Variants in LSAMP observed in about 807,000 individuals in gnomAD.
The protein encoded by LSAMP is limbic system-associated membrane protein.
In LSAMP, 7 loss-of-function variants were observed where a neutral mutation model predicts 38.6. The observed-to-expected ratio is 0.18, with a 90% CI of 0.10 to 0.34. The LOEUF (loss-of-function observed/expected upper bound fraction) is 0.34, where lower values mean the gene tolerates loss of function less well. Ranked by LOEUF, LSAMP falls within the 10% of genes least tolerant of loss-of-function variation. The pLI, the probability that LSAMP is intolerant of heterozygous loss-of-function variation, is 1.00. For synonymous variants in LSAMP, 154 were observed against 166.8 expected, an observed-to-expected ratio of 0.92 and a Z score of 0.59; for missense variants, 313 against 420.0, an observed-to-expected ratio of 0.75 and a Z score of 2.23.
intron 1 of LSAMP, among the ~76,000 whole-genome samples, chr3:116,304,267 T>C (rs2047453089): frequency 6.6e-6 from 1 of 152,048 alleles, no homozygotes; most frequent in South Asian, 2.1e-4. Context: ...AAAAAATGAA[T>C]AAGATACAGG....
rs187251819 is a variant in LSAMP, at chr3:115,855,541, C to T, written c.515-2924G>A. 8.5e-5 allele frequency among the ~76,000 whole-genome samples: 13 copies of T among 152,322 alleles called. 1 individual carries two copies. Among genetic ancestry groups the T allele is most frequent in the Admixed American group, 3.9e-4 (6 of 15,306 alleles). On this transcript the variant is annotated intron_variant, in intron 3 of 6. Coordinates refer to ENST00000490035, the MANE Select transcript of LSAMP (RefSeq NM_002338.5). ...TAGCTCTCCTCCTCTCTGATGGCAG[C>T]CTCTGTCTCCAGCACACAATGTGCA...
intron 3 of LSAMP, among the ~76,000 whole-genome samples, chr3:116,018,542 T>C (rs1418167684): frequency 6.6e-6 from 1 of 152,148 alleles, no homozygotes; most frequent in Middle Eastern, 3.2e-3. Context: ...AATTTGTGAG[T>C]TCTCTACAAA....
At chr3:116,103,429 C>A (rs1246735624) in intron 1 of LSAMP, among the ~76,000 whole-genome samples, 2 of 136,320 alleles carry the variant, frequency 1.5e-5, no homozygotes, top group Non-Finnish European at 3.0e-5. Flanking sequence ...TATGCCACTG[C>A]ACTCCAGCCT....
intron 1 of LSAMP, among the ~76,000 whole-genome samples, chr3:116,356,111 A>G (rs2048219900): frequency 1.3e-5 from 2 of 151,874 alleles, no homozygotes; most frequent in African/African-American, 4.9e-5. Context: ...AGTGTTTCAT[A>G]GAAGAGATAA....
chr3:116,218,116 G>A (rs941516991), intron 1 of LSAMP, among the ~76,000 whole-genome samples: 3 of 152,056 alleles, frequency 2.0e-5, no homozygotes, highest in Non-Finnish European at 2.9e-5. Flanking sequence ...CGAAGAGTTC[G>A]GGTGGGAGAA....
At chr3:116,013,282 G>T (rs1940384621) in intron 3 of LSAMP, among the ~76,000 whole-genome samples, 1 of 152,216 alleles carries the variant, frequency 6.6e-6, no homozygotes, top group African/African-American at 2.4e-5. Flanking sequence ...GTCAGTTACT[G>T]TGAGCATCTC....
rs1300572276 is a variant in LSAMP, at chr3:115,803,756, C to T, written c.*6561G>A. 2 of 152,054 alleles carry T rather than the reference C, an allele frequency of 1.3e-5. No homozygotes were observed. The highest frequency in any genetic ancestry group is 1.3e-4 in the Admixed American group (2 of 15,268). 9.4% of individuals were successfully genotyped at this position (152,054 alleles called of 1,614,324 possible). ...AACTTATCCCATGAGAAATTCCTTCCAAAACAAAATGTATTGTCTTGCCCA... is the reference window on the plus strand; with the variant it reads ...AACTTATCCCATGAGAAATTCCTTCTAAAACAAAATGTATTGTCTTGCCCA... On this transcript the variant is annotated 3_prime_UTR_variant, in exon 7 of 7. Transcript: ENST00000490035.
intron 1 of LSAMP, among the ~76,000 whole-genome samples, chr3:116,091,334 C>T (rs1342065590): frequency 6.6e-6 from 1 of 152,168 alleles, no homozygotes; most frequent in Admixed American, 6.5e-5. Context: ...CTCAAACACA[C>T]ATGCTGTACA....
At chr3:116,336,448 G>A (rs1212748684) in intron 1 of LSAMP, among the ~76,000 whole-genome samples, 3 of 151,892 alleles carry the variant, frequency 2.0e-5, no homozygotes, top group Non-Finnish European at 4.4e-5. Context: ...AATGGGCAAC[G>A]AACCTGAATA....
intron 1 of LSAMP, among the ~76,000 whole-genome samples, chr3:116,371,132 A>G (rs1346163781): frequency 6.6e-6 from 1 of 152,184 alleles, no homozygotes; most frequent in Admixed American, 6.5e-5. Flanking sequence ...AAACATTTAA[A>G]GAACACTAAT....
intron 3 of LSAMP, among the ~76,000 whole-genome samples, chr3:115,926,850 TTTTC>T (rs1937508732): frequency 6.6e-6 from 1 of 152,232 alleles, no homozygotes; most frequent in South Asian, 2.1e-4. Context: ...TCTTCTTGAC[TTTTC>T]TTTCTCTTTT....
chr3:116,202,180 G>C (rs2045995920), intron 1 of LSAMP, among the ~76,000 whole-genome samples: 1 of 151,224 alleles, frequency 6.6e-6, no homozygotes, highest in Non-Finnish European at 1.5e-5. Context: ...CTGTTGCCCA[G>C]GCTGGAGTGT....
intron 1 of LSAMP, 60 bp from the exon 2 acceptor site, chr3:116,086,616 CT>C: frequency 7.5e-7 from 1 of 1,328,864 alleles, no homozygotes; most frequent in Non-Finnish European, 1.1e-6. Flanking sequence ...CGTTTCTTCT[CT>C]AGGTGATCAG....
At chr3:116,221,776 T>TA (rs1353514987) in intron 1 of LSAMP, among the ~76,000 whole-genome samples, 2 of 151,846 alleles carry the variant, frequency 1.3e-5, no homozygotes, top group African/African-American at 2.4e-5. Flanking sequence ...AAGGAACACT[T>TA]ACAATTAACT....
intron 1 of LSAMP, among the ~76,000 whole-genome samples, chr3:116,331,563 G>A (rs2047851999): frequency 6.6e-6 from 1 of 152,220 alleles, no homozygotes; most frequent in Admixed American, 6.5e-5. Context: ...CAGAAACTTG[G>A]ATACCAGAAG....
chr3:116,290,209 G>A (rs1236358480), intron 1 of LSAMP, among the ~76,000 whole-genome samples: 2 of 152,132 alleles, frequency 1.3e-5, no homozygotes, highest in South Asian at 2.1e-4. Context: ...TCAAGAAAAG[G>A]AATTGGAGTA....
chr3:115,977,386 TGATCTC>T (rs921056029), intron 3 of LSAMP, among the ~76,000 whole-genome samples: 1 of 152,170 alleles, frequency 6.6e-6, no homozygotes, highest in African/African-American at 2.4e-5. Context: ...TTGATCCACA[TGATCTC>T]TGGGGTGTTT....
chr3:116,217,051 C>T (rs147354204), intron 1 of LSAMP, among the ~76,000 whole-genome samples: 1 of 152,278 alleles, frequency 6.6e-6, no homozygotes, highest in African/African-American at 2.4e-5. Flanking sequence ...GGGAAGCTTT[C>T]AAATGAATTT....
chr3:115,951,867 T>C (rs4599301), intron 3 of LSAMP, among the ~76,000 whole-genome samples: 25,429 of 151,984 alleles, frequency 0.17, 2,613 homozygotes, highest in Admixed American at 0.23. Context: ...TATATCCTAT[T>C]AGTTGTGTCC....
Sources: allele counts gnomAD v4.1 joint callset (sites outside exome capture counted in the v4.1 genomes callset), GRCh38; gene constraint gnomAD v4.1.1; transcripts MANE v1.5; gene names NCBI Gene and HGNC (gene_info 2026-07-23, HGNC 2026-07-21).